NENF: variants seen among roughly 807,000 people sequenced by gnomAD.
The protein encoded by NENF is neudesin neurotrophic factor.
NENF carries 6 observed loss-of-function variants against 14.8 expected under a neutral mutation model. The ratio of observed to expected loss-of-function variants is 0.40; its 90% CI spans 0.22 to 0.80. The LOEUF is 0.80. Ranked by LOEUF, NENF falls within the 30% of genes least tolerant of loss-of-function variation. NENF has a pLI of 0.34. For synonymous variants in NENF, 76 were observed against 95.1 expected, an observed-to-expected ratio of 0.80 and a Z score of 1.17; for missense variants, 184 against 212.7, an observed-to-expected ratio of 0.87 and a Z score of 0.84.
chr1:212,438,258 A>AC (rs1202272669), intron 1 of NENF, among the ~76,000 whole-genome samples: 1 of 152,178 alleles, frequency 6.6e-6, no homozygotes, highest in Non-Finnish European at 1.5e-5. Flanking sequence ...GCACATGTTC[A>AC]CCGGTAGCTT....
intron 1 of NENF, among the ~76,000 whole-genome samples, chr1:212,435,547 CTTTTTTTTTT>C (rs58631608): frequency 9.0e-5 from 12 of 132,860 alleles, no homozygotes; most frequent in African/African-American, 3.3e-4. Context: ...AGTTTTTTTC[CTTTTTTTTTT>C]TTTTTTTTGA....
intron 3 of NENF, among the ~76,000 whole-genome samples, chr1:212,445,206 G>A (rs1298042561): frequency 2.0e-5 from 3 of 151,634 alleles, no homozygotes; most frequent in Non-Finnish European, 4.4e-5. Context: ...AGTGAGTTGA[G>A]ATCATGCCAC....
At chr1:212,445,187 G>A (rs948132157) in intron 3 of NENF, among the ~76,000 whole-genome samples, 4 of 151,936 alleles carry the variant, frequency 2.6e-5, no homozygotes, top group Non-Finnish European at 5.9e-5. Flanking sequence ...TCCAGGGGGC[G>A]GAGGTTACAG....
At chr1:212,442,777 CTG>C in intron 2 of NENF, 152 bp downstream of exon 2, 1 of 598,162 alleles carries the variant, frequency 1.7e-6, no homozygotes, top group South Asian at 1.9e-5. Flanking sequence ...GAGTTTCACT[CTG>C]TCACCCAGGC....
At chr1:212,445,626 T>C (rs546930525) in intron 3 of NENF, among the ~76,000 whole-genome samples, 1 of 152,272 alleles carries the variant, frequency 6.6e-6, no homozygotes, top group South Asian at 2.1e-4. Flanking sequence ...GATGAAGCAT[T>C]GCTCCCCGTA....
chr1:212,442,798 G>A (rs572438330), intron 2 of NENF, among the ~76,000 whole-genome samples, 173 bp downstream of exon 2: 27 of 151,994 alleles, frequency 1.8e-4, no homozygotes, highest in Admixed American at 1.3e-3. Flanking sequence ...GCTGGAGTGC[G>A]GTGGCACGAT....
chr1:212,445,173 C>T (rs1662760397), intron 3 of NENF, among the ~76,000 whole-genome samples: 2 of 151,652 alleles, frequency 1.3e-5, no homozygotes, highest in African/African-American at 2.4e-5. Context: ...GAGAATCGCT[C>T]GAATCCAGGG....
At chr1:212,434,835 T>C (rs1352426054) in intron 1 of NENF, 1 of 151,136 alleles carries the variant, frequency 6.6e-6, no homozygotes, top group Non-Finnish European at 1.5e-5. Flanking sequence ...GACCCTTGGT[T>C]TTTTGATGTT....
chr1:212,445,634 G>A (rs899202439), intron 3 of NENF, among the ~76,000 whole-genome samples, 196 bp from the exon 4 acceptor site: 5 of 151,950 alleles, frequency 3.3e-5, no homozygotes, highest in African/African-American at 4.8e-5. Context: ...ATTGCTCCCC[G>A]TATGTTATAC....
At chr1:212,443,587 A>G (rs1662727944) in intron 2 of NENF, among the ~76,000 whole-genome samples, 1 of 151,690 alleles carries the variant, frequency 6.6e-6, no homozygotes, top group African/African-American at 2.4e-5. Context: ...ATGGGGTTTC[A>G]CCATGTTAAC....
Position 212,433,146 on chromosome 1 carries a change from G to T in NENF, c.177+26G>T. On this transcript the variant is annotated intron_variant, in intron 1 of 3. Transcript: ENST00000366988. The surrounding 1 kb of genome is among the most constrained non-coding windows in gnomAD (Gnocchi z 5.5). ...GTAGGCGGGGGTGTCGCGGGCCGAG[G>T]GACCCGGGGTGGCGTCCGATCTGCG... The T allele has an allele frequency of 8.6e-7, 1 of 1,164,014 alleles. No individual in the cohort carries two copies. The highest frequency in any genetic ancestry group is 1.1e-6 in the Non-Finnish European group (1 of 940,872). The allele number at this position is 1,164,014 out of a possible 1,614,324, so 72.1% of individuals were successfully genotyped here. A position where few individuals can be genotyped will look rare whatever the true frequency, so the allele number is the denominator to read the frequency against.
At chr1:212,442,765 C>T (rs967842387) in intron 2 of NENF, 140 bp downstream of exon 2, 34 of 571,418 alleles carry the variant, frequency 6.0e-5, no homozygotes, top group Non-Finnish European at 8.9e-5. Flanking sequence ...TTTTTTGAGA[C>T]GGAGTTTCAC....
At position 212,442,591 on chromosome 1, in the gene NENF, G is replaced by A. The variant is rs1005924243; in HGVS notation, c.204G>A (p.Val68=). The A allele has an allele frequency of 6.2e-7, 1 of 1,613,664 alleles. No individual in the cohort carries two copies. The highest frequency in any genetic ancestry group is 1.7e-5 in the Admixed American group (1 of 59,994). Reference sequence around the variant, plus strand: ...AAGATCAGCCCATCTACTTGGCAGTGAAGGGAGTGGTGTTTGATGTCACCT... The same window carrying A: ...AAGATCAGCCCATCTACTTGGCAGTAAAGGGAGTGGTGTTTGATGTCACCT... The part of the protein sequence containing the change: ...EEEDQPIYLA[V]KGVVFDVTSG... The change falls in exon 2 of 4, where the codon GTG becomes GTA. Residue 68 remains valine, a synonymous_variant. Coordinates refer to ENST00000366988, the MANE Select transcript of NENF (RefSeq NM_013349.5).
At chr1:212,434,605 A>G (rs142661244) in intron 1 of NENF, 1 of 152,236 alleles carries the variant, frequency 6.6e-6, no homozygotes, top group African/African-American at 2.4e-5. Flanking sequence ...GAGAGAGCAT[A>G]GGAAACCTGC....
chr1:212,439,184 C>T (rs1045561554), intron 1 of NENF, among the ~76,000 whole-genome samples: 17 of 152,118 alleles, frequency 1.1e-4, no homozygotes, highest in African/African-American at 1.9e-4. Context: ...ACTTCCTCTT[C>T]GCACTTACAC....
intron 1 of NENF, among the ~76,000 whole-genome samples, chr1:212,438,491 G>A (rs899327531): frequency 6.6e-6 from 1 of 152,072 alleles, no homozygotes; most frequent in Admixed American, 6.5e-5. Context: ...CTACAAAATG[G>A]GTATAGTAAT....
chr1:212,442,135 G>A (rs778269526), intron 1 of NENF, among the ~76,000 whole-genome samples: 7 of 152,176 alleles, frequency 4.6e-5, no homozygotes, highest in East Asian at 1.9e-4. Context: ...CCTCAGACTC[G>A]CGAGCAGCTG....
chr1:212,440,383 T>C (rs555756526), intron 1 of NENF, among the ~76,000 whole-genome samples: 1 of 152,184 alleles, frequency 6.6e-6, no homozygotes, highest in African/African-American at 2.4e-5. Flanking sequence ...ATAATCCCAC[T>C]TGATAAATAA....
At chr1:212,444,493 CT>C in intron 3 of NENF, 51 bp downstream of exon 3, 5 of 1,171,772 alleles carry the variant, frequency 4.3e-6, no homozygotes, top group East Asian at 2.5e-5. Flanking sequence ...TTGTCCATGC[CT>C]TTTTCTCTTT....
Sources: gnomAD v4.1 joint callset for allele counts (sites outside exome capture counted in the v4.1 genomes callset) on GRCh38, gnomAD v4.1.1 for gene constraint, Gnocchi (gnomAD v3.1) non-coding constraint, MANE v1.5 for transcripts, NCBI Gene and HGNC (gene_info 2026-07-23, HGNC 2026-07-21) for gene names.